Variants in PMPCB observed in about 807,000 individuals in gnomAD.
The protein encoded by PMPCB is mitochondrial-processing peptidase subunit beta.
PMPCB carries 46 observed loss-of-function variants against 61.5 expected under a neutral mutation model. The observed-to-expected ratio is 0.75, with a 90% CI of 0.59 to 0.96. The LOEUF (loss-of-function observed/expected upper bound fraction) is 0.96. Ranked by LOEUF, PMPCB falls within the 40% of genes least tolerant of loss-of-function variation. PMPCB has a pLI of 0.00. For synonymous variants in PMPCB, 191 were observed against 201.6 expected (o/e 0.95, Z 0.44); for missense variants, 590 against 602.4 (o/e 0.98, Z 0.22).
downstream of PMPCB, among the ~76,000 whole-genome samples, chr7:103,332,006 TA>T (rs1370435223): frequency 8.9e-5 from 7 of 78,732 alleles, no homozygotes; most frequent in Middle Eastern, 9.1e-3. Context: ...TTAAATTTGC[TA>T]TTTTTTTTTT....
chr7:103,322,484 G>T, intron 12 of PMPCB: 1 of 1,424,260 alleles, frequency 7.0e-7, no homozygotes, highest in South Asian at 1.3e-5. Context: ...AACATTTAAA[G>T]TCCACCTTCA....
chr7:103,301,846 C>A (rs984396876), intron 4 of PMPCB, among the ~76,000 whole-genome samples: 16 of 151,910 alleles, frequency 1.1e-4, no homozygotes, highest in African/African-American at 3.9e-4. Context: ...TACATGTGTA[C>A]AACGTGCAGG....
chr7:103,305,136 A>G (rs1211474215), intron 6 of PMPCB, among the ~76,000 whole-genome samples: 1 of 152,164 alleles, frequency 6.6e-6, no homozygotes, highest in Non-Finnish European at 1.5e-5. Context: ...TTGAGAACCA[A>G]CTTCGTCCTT....
the PMPCB span, among the ~76,000 whole-genome samples, chr7:103,343,743 G>C: frequency 1.3e-5 from 2 of 152,194 alleles, no homozygotes; most frequent in South Asian, 4.1e-4. Flanking sequence ...CACAGGAGAG[G>C]ATTAAAACAC....
In PMPCB at chr7:103,314,306, T is replaced by A; in HGVS notation, c.*2035T>A. ...TAAATTAAACGTACTGTTGCAAAACTCCTATGAGAAATCACTATTCAAAAA... is the reference window on the plus strand; with the variant it reads ...TAAATTAAACGTACTGTTGCAAAACACCTATGAGAAATCACTATTCAAAAA... On this transcript the variant is annotated 3_prime_UTR_variant, in exon 13 of 13. Coordinates refer to ENST00000249269, the MANE Select transcript of PMPCB (RefSeq NM_004279.3). The A allele has an allele frequency of 1.0e-6, 1 of 985,408 alleles. No individual in the cohort carries two copies. Among genetic ancestry groups the A allele is most frequent in the Non-Finnish European group, 1.2e-6 (1 of 829,904 alleles). 61.0% of individuals were successfully genotyped at this position (985,408 alleles called of 1,614,324 possible). A position where few individuals can be genotyped will look rare whatever the true frequency, so the allele number is the denominator to read the frequency against.
chr7:103,302,287 T>A (rs1227651429), intron 4 of PMPCB, among the ~76,000 whole-genome samples: 1 of 152,186 alleles, frequency 6.6e-6, no homozygotes, highest in Non-Finnish European at 1.5e-5. Flanking sequence ...CACTTACTCT[T>A]ATTGGTAAGA....
chr7:103,345,436 C>G, the PMPCB span, among the ~76,000 whole-genome samples: 1 of 151,944 alleles, frequency 6.6e-6, no homozygotes, highest in African/African-American at 2.4e-5. Context: ...AAAGCAAAAA[C>G]TAGCAAAAAC....
At chr7:103,317,547 T>C (rs184035325), downstream of PMPCB, among the ~76,000 whole-genome samples, 208 of 152,358 alleles carry the variant, frequency 1.4e-3, 1 homozygote, top group African/African-American at 4.9e-3. Context: ...CAGCTTTGGC[T>C]CATTTCTCCC....
Position 103,297,693 on chromosome 7 carries a change from C to A in PMPCB, c.99+135C>A, listed in dbSNP as rs764910583. ...CGACCCGGACCCGCCGGGCGCCAGG[C>A]GGCCTGGGGCTGCTGAACTGGCCGG... On this transcript the variant is annotated intron_variant, in intron 1 of 12. Transcript: ENST00000249269. 1.2e-5 allele frequency: 18 copies of A among 1,536,396 alleles called. No homozygotes were observed. The Admixed American group carries it at 2.2e-4, about 18-fold the overall frequency.
At chr7:103,315,140 C>T (rs771554954), downstream of PMPCB, among the ~76,000 whole-genome samples, 1 of 150,684 alleles carries the variant, frequency 6.6e-6, no homozygotes, top group Non-Finnish European at 1.5e-5. Flanking sequence ...AGAGTAATCA[C>T]AACACCCAAG....
intron 8 of PMPCB, among the ~76,000 whole-genome samples, chr7:103,310,036 G>A (rs1461240275): frequency 6.6e-6 from 1 of 152,208 alleles, no homozygotes; most frequent in Non-Finnish European, 1.5e-5. Flanking sequence ...AAATTGGGTT[G>A]ATAATAGCCA....
intron 12 of PMPCB, chr7:103,321,850 A>G: frequency 6.7e-7 from 1 of 1,489,680 alleles, no homozygotes; most frequent in East Asian, 2.3e-5. Flanking sequence ...CCCATCTAAA[A>G]AACAAACAAA....
At chr7:103,319,843 G>T (rs746142800) in intron 12 of PMPCB, 2 of 1,613,724 alleles carry the variant, frequency 1.2e-6, no homozygotes, top group Non-Finnish European at 1.7e-6. Flanking sequence ...ATGATTCCAG[G>T]TCTAAAAGCA....
intron 4 of PMPCB, among the ~76,000 whole-genome samples, chr7:103,303,548 G>T (rs1441087357): frequency 6.6e-6 from 1 of 152,130 alleles, no homozygotes; most frequent in African/African-American, 2.4e-5. Context: ...TTTTCATATA[G>T]AACAATCTAT....
chr7:103,344,571 C>A, the PMPCB span: 1 of 1,613,622 alleles, frequency 6.2e-7, no homozygotes. Context: ...GAGGTCAGAG[C>A]GTGGGTGATG....
intron 6 of PMPCB, among the ~76,000 whole-genome samples, chr7:103,307,082 A>G (rs1041043184): frequency 1.3e-5 from 2 of 152,052 alleles, no homozygotes; most frequent in Non-Finnish European, 2.9e-5. Flanking sequence ...TTATTGAGAC[A>G]GAGTCTTGCT....
chr7:103,316,627 G>A, downstream of PMPCB: 1 of 548,104 alleles, frequency 1.8e-6, no homozygotes, highest in Admixed American at 3.4e-5. Context: ...CAAGTATTCT[G>A]TCATATGTAT....
chr7:103,321,618 C>G (rs1818419052), intron 12 of PMPCB, among the ~76,000 whole-genome samples: 1 of 151,250 alleles, frequency 6.6e-6, no homozygotes, highest in African/African-American at 2.4e-5. Context: ...GAGGCCAAGG[C>G]GGGGAGATCA....
intron 12 of PMPCB, chr7:103,327,496 G>A (rs1818768364): frequency 1.5e-6 from 1 of 678,598 alleles, no homozygotes; most frequent in Non-Finnish European, 2.4e-6. Flanking sequence ...TGTGTCGTGA[G>A]GCTCTGGGGT....
Sources: gnomAD v4.1 joint callset for allele counts (sites outside exome capture counted in the v4.1 genomes callset) on GRCh38, gnomAD v4.1.1 for gene constraint, MANE v1.5 for transcripts, NCBI Gene and HGNC (gene_info 2026-07-23, HGNC 2026-07-21) for gene names.